TWSG1: variants seen among roughly 807,000 people sequenced by gnomAD.
The protein encoded by TWSG1 is twisted gastrulation protein homolog 1.
Under a neutral mutation model 23.0 loss-of-function variants are expected in TWSG1, and 15 were observed. That is an observed-to-expected ratio of 0.65 (90% CI 0.44 to 1.00). The LOEUF is 1.00. Among genes scored for constraint, TWSG1 ranks in the 50% least tolerant of loss-of-function variants. The pLI is 0.00. For missense variants in TWSG1, 242 were observed against 278.7 expected (o/e 0.87, Z 0.94); for synonymous variants, 86 against 92.8 (o/e 0.93, Z 0.42).
At chr18:9,354,336 G>A (rs1441522604) in intron 2 of TWSG1, among the ~76,000 whole-genome samples, 5 of 152,094 alleles carry the variant, frequency 3.3e-5, no homozygotes, top group Non-Finnish European at 1.5e-5. Context: ...TGGGGGAGGT[G>A]GTAGCAGTAA....
Position 9,399,605 on chromosome 18 carries a change from C to A in TWSG1, c.*78C>A. 1 of 1,284,446 alleles carries A rather than the reference C, an allele frequency of 7.8e-7. No individual in the cohort carries two copies. The allele number at this position is 1,284,446 out of a possible 1,614,324, so 79.6% of individuals were successfully genotyped here. On this transcript the variant is annotated 3_prime_UTR_variant, in exon 5 of 5. Transcript: ENST00000262120. The stretch of plus-strand genomic sequence containing the variant: ...TATTCTGTAAGTCTGTTGGTTGTAT[C>A]TTGTATCAGAATCCCAGTAAGTTAA...
chr18:9,396,590 G>T, intron 4 of TWSG1, 44 bp downstream of exon 4: 1 of 1,591,074 alleles, frequency 6.3e-7, no homozygotes. Flanking sequence ...CCCCTCATGT[G>T]GTCTGTCCAT....
At chr18:9,335,465 C>G (rs951769525) in intron 1 of TWSG1, among the ~76,000 whole-genome samples, 2 of 152,170 alleles carry the variant, frequency 1.3e-5, no homozygotes, top group African/African-American at 4.8e-5. Flanking sequence ...AATACTTTTT[C>G]CAGTGAAATT....
chr18:9,367,490 T>G (rs2040585401), intron 3 of TWSG1, among the ~76,000 whole-genome samples: 1 of 152,158 alleles, frequency 6.6e-6, no homozygotes, highest in Non-Finnish European at 1.5e-5. Flanking sequence ...TCCTCCAGGT[T>G]CATCCATGTT....
At position 9,401,511 on chromosome 18, in the gene TWSG1, C is replaced by T. The variant is rs778950913; in HGVS notation, c.*1984C>T. The stretch of plus-strand genomic sequence containing the variant: ...AAATGTAATATCTGTTTCCCACCCC[C>T]TACATTAGGAGGATAATTTCTTAAA... On this transcript the variant is annotated 3_prime_UTR_variant, in exon 5 of 5. Transcript: ENST00000262120. 4 of 152,082 alleles carry T rather than the reference C, an allele frequency of 2.6e-5. No individual in the cohort carries two copies. The highest frequency in any genetic ancestry group is 1.9e-4 in the East Asian group (1 of 5,206). 9.4% of individuals were successfully genotyped at this position (152,082 alleles called of 1,614,324 possible). A position where few individuals can be genotyped will look rare whatever the true frequency, so the allele number is the denominator to read the frequency against.
chr18:9,395,540 ATTC>A (rs1177376148), intron 3 of TWSG1, among the ~76,000 whole-genome samples: 1 of 152,086 alleles, frequency 6.6e-6, no homozygotes, highest in African/African-American at 2.4e-5. Context: ...GAACTTATTG[ATTC>A]TTGTTTTGTT....
chr18:9,366,515 C>G (rs1195208260), intron 3 of TWSG1, among the ~76,000 whole-genome samples: 1 of 152,192 alleles, frequency 6.6e-6, no homozygotes, highest in African/African-American at 2.4e-5. Flanking sequence ...TGAACTCTGA[C>G]TTTGAACTCA....
chr18:9,340,923 A>T (rs1290489980), intron 2 of TWSG1, among the ~76,000 whole-genome samples: 1 of 152,254 alleles, frequency 6.6e-6, no homozygotes, highest in Non-Finnish European at 1.5e-5. Context: ...CGTATTGGAC[A>T]TTGAAAATCT....
chr18:9,336,817 T>C (rs2040425471), intron 1 of TWSG1, among the ~76,000 whole-genome samples: 1 of 152,216 alleles, frequency 6.6e-6, no homozygotes, highest in African/African-American at 2.4e-5. Context: ...TTCTAGGTCC[T>C]TGAAGATGGC....
At chr18:9,342,292 C>A (rs182033466) in intron 2 of TWSG1, among the ~76,000 whole-genome samples, 1 of 152,120 alleles carries the variant, frequency 6.6e-6, no homozygotes, top group African/African-American at 2.4e-5. Context: ...CCATACTGTG[C>A]GAGTATTGTG....
At chr18:9,337,987 A>G (rs1482185289) in intron 2 of TWSG1, among the ~76,000 whole-genome samples, 3 of 152,108 alleles carry the variant, frequency 2.0e-5, no homozygotes, top group African/African-American at 7.2e-5. Context: ...CACCACTCTC[A>G]TTTTTCTGGG....
Position 9,353,498 on chromosome 18 carries a change from G to A in TWSG1, c.124-6474G>A, listed in dbSNP as rs1362419944. On this transcript the variant is annotated intron_variant, in intron 2 of 4. Coordinates refer to ENST00000262120, the MANE Select transcript of TWSG1 (RefSeq NM_020648.6). The stretch of plus-strand genomic sequence containing the variant: ...AAATACTCATACTGGTCAATAGAGA[G>A]TAGCTCAAATGTATAAATTTCAGTT... Among the ~76,000 whole-genome samples, 15 of 152,338 alleles carry A rather than the reference G, an allele frequency of 9.8e-5. No homozygotes were observed. In the East Asian group the frequency reaches 2.9e-3, roughly 29 times the overall value.
intron 4 of TWSG1, among the ~76,000 whole-genome samples, chr18:9,397,917 C>T (rs8099246): frequency 0.99 from 149,131 of 151,076 alleles, 73,648 homozygotes; most frequent in Middle Eastern, 1. Flanking sequence ...AGCAGGAGAA[C>T]TGCTTGAGCC....
At chr18:9,336,434 A>C (rs2040424040) in intron 1 of TWSG1, among the ~76,000 whole-genome samples, 1 of 151,878 alleles carries the variant, frequency 6.6e-6, no homozygotes, top group African/African-American at 2.4e-5. Flanking sequence ...TCTAATAATT[A>C]CCTAGAGTTT....
At chr18:9,346,315 T>C (rs542661570) in intron 2 of TWSG1, among the ~76,000 whole-genome samples, 11 of 152,370 alleles carry the variant, frequency 7.2e-5, no homozygotes, top group Admixed American at 6.5e-4. Flanking sequence ...TTTTCATGGC[T>C]TGATAATGCA....
intron 3 of TWSG1, among the ~76,000 whole-genome samples, chr18:9,365,330 T>C (rs948986715): frequency 6.6e-6 from 1 of 151,514 alleles, no homozygotes; most frequent in South Asian, 2.1e-4. Context: ...TCTAAAAAAA[T>C]TTTTTTAAAT....
chr18:9,341,535 T>C (rs886575916), intron 2 of TWSG1, among the ~76,000 whole-genome samples: 1 of 152,202 alleles, frequency 6.6e-6, no homozygotes, highest in Non-Finnish European at 1.5e-5. Context: ...CTTGTACTAC[T>C]ATTTCTTGAT....
chr18:9,377,576 A>G (rs1308434216), intron 3 of TWSG1, among the ~76,000 whole-genome samples: 1 of 152,094 alleles, frequency 6.6e-6, no homozygotes, highest in Admixed American at 6.5e-5. Flanking sequence ...TCTGCAAAAT[A>G]TGAATCTATA....
chr18:9,379,706 A>G (rs981604454), intron 3 of TWSG1, among the ~76,000 whole-genome samples: 1 of 152,210 alleles, frequency 6.6e-6, no homozygotes, highest in African/African-American at 2.4e-5. Context: ...CAGAGGAAAA[A>G]ACTATAATGG....
Sources: allele counts gnomAD v4.1 joint callset (sites outside exome capture counted in the v4.1 genomes callset), GRCh38; gene constraint gnomAD v4.1.1; transcripts MANE v1.5; gene names NCBI Gene and HGNC (gene_info 2026-07-23, HGNC 2026-07-21).